ERBB3: variants seen among roughly 807,000 people sequenced by gnomAD.
The protein encoded by ERBB3 is receptor tyrosine-protein kinase erbB-3.
Under a neutral mutation model 156.7 loss-of-function variants are expected in ERBB3, and 96 were observed. The ratio of observed to expected loss-of-function variants is 0.61; its 90% CI spans 0.52 to 0.73. ERBB3 has a LOEUF of 0.73. ERBB3 is among the 30% of genes least tolerant of loss of function. The pLI is 0.00. For synonymous variants in ERBB3, 567 were observed against 632.0 expected (o/e 0.90, Z 1.54); for missense variants, 1,406 against 1,709.4 (o/e 0.82, Z 3.13).
At chr12:56,095,625 G>A in intron 16 of ERBB3, 40 bp from the exon 17 acceptor site, 1 of 1,612,354 alleles carries the variant, frequency 6.2e-7, no homozygotes, top group Non-Finnish European at 8.5e-7. Flanking sequence ...TAAGGAAGAT[G>A]CAAACCCAGG....
intron 21 of ERBB3, 145 bp downstream of exon 21, chr12:56,098,085 A>G: frequency 1.2e-6 from 1 of 808,988 alleles, no homozygotes; most frequent in Non-Finnish European, 1.9e-6. Context: ...TTTAGTTCAG[A>G]GGGCAACAAA....
rs745658752 is a variant in ERBB3, at chr12:56,088,528, C to A, written c.875-15C>A. 1 of 1,576,968 alleles carries A rather than the reference C, an allele frequency of 6.3e-7. No homozygotes were observed. The highest frequency in any genetic ancestry group is 1.1e-5 in the South Asian group (1 of 90,288). ...CCTCCCTCATCTCTAATGGTGTCCT[C>A]CTCCTCTTCCCTAGATAACTTTGTG... On this transcript the variant is annotated splice_polypyrimidine_tract_variant and intron_variant, in intron 7 of 27. Transcript: ENST00000267101.
At position 56,103,284 on chromosome 12, in the gene ERBB3, T is replaced by G; in HGVS notation, c.*1229T>G. 4.5e-6 allele frequency: 1 copy of G among 223,278 alleles called. No individual in the cohort carries two copies. Among genetic ancestry groups the G allele is most frequent in the Non-Finnish European group, 9.0e-6 (1 of 111,566 alleles). The allele number at this position is 223,278 out of a possible 1,614,324, so 13.8% of individuals were successfully genotyped here. On this transcript the variant is annotated 3_prime_UTR_variant, in exon 28 of 28. Coordinates refer to ENST00000267101, the MANE Select transcript of ERBB3 (RefSeq NM_001982.4). Reference sequence around the variant, plus strand: ...ATGTGCCGTAAATGATCTTCACTCCTTATCCGAGGGCAAATTCACAAGGAT... The same window carrying G: ...ATGTGCCGTAAATGATCTTCACTCCGTATCCGAGGGCAAATTCACAAGGAT...
chr12:56,086,791 C>A, intron 4 of ERBB3, 135 bp downstream of exon 4: 1 of 1,054,106 alleles, frequency 9.5e-7, no homozygotes, highest in Non-Finnish European at 1.5e-6. Context: ...ACTCAGCAGC[C>A]CACCAGGGCA....
chr12:56,088,373 T>C (rs1868555955), intron 7 of ERBB3, among the ~76,000 whole-genome samples, 170 bp from the exon 8 acceptor site: 1 of 152,168 alleles, frequency 6.6e-6, no homozygotes, highest in Non-Finnish European at 1.5e-5. Context: ...TAGCAACAAA[T>C]AGTGAAGAGA....
chr12:56,096,941 T>C, intron 19 of ERBB3, 95 bp downstream of exon 19: 2 of 1,282,200 alleles, frequency 1.6e-6, no homozygotes, highest in East Asian at 2.6e-5. Flanking sequence ...GCAGCTACTA[T>C]GTTAGCCAGA....
intron 9 of ERBB3, chr12:56,089,242 C>A: frequency 2.4e-6 from 1 of 423,398 alleles, no homozygotes; most frequent in South Asian, 1.7e-5. Context: ...CAAGTGATCC[C>A]AAGTAGCTGG....
intron 12 of ERBB3, 69 bp from the exon 13 acceptor site, chr12:56,093,695 A>C (rs1377542214): frequency 4.4e-6 from 7 of 1,603,676 alleles, no homozygotes; most frequent in Non-Finnish European, 5.1e-6. Context: ...AGTAACGAGG[A>C]AGAATAATGA....
Position 56,096,598 on chromosome 12 carries a change from G to C in ERBB3, c.2151G>C (p.Ser717=). The change falls in exon 18 of 28, where the codon TCG becomes TCC. Residue 717 remains serine, a synonymous_variant. Coordinates refer to ENST00000267101, the MANE Select transcript of ERBB3 (RefSeq NM_001982.4). ...TAAGGAAGCTTAAAGTGCTTGGCTC[G>C]GGTGTCTTTGGAACTGTGCACAAAG... is the stretch of plus-strand genomic sequence containing the variant. ...TELRKLKVLG[S]GVFGTVHKGV... is the part of the protein sequence containing the mutation. 1 of 1,614,160 alleles carries C rather than the reference G, an allele frequency of 6.2e-7. No homozygotes were observed. The highest frequency in any genetic ancestry group is 1.1e-5 in the South Asian group (1 of 91,076).
At position 56,085,097 on chromosome 12, in the gene ERBB3, G is replaced by C. The variant is rs375644422; in HGVS notation, c.337G>C (p.Gly113Arg). 1.3e-5 allele frequency: 21 copies of C among 1,613,968 alleles called. No individual in the cohort carries two copies. In the African/African-American group the frequency reaches 2.8e-4, roughly 22 times the overall value. ...GGTGCGAGGGACCCAGGTCTACGATGGGAAGTTTGCCATCTTCGTCATGTT... is the reference window on the plus strand; with the variant it reads ...GGTGCGAGGGACCCAGGTCTACGATCGGAAGTTTGCCATCTTCGTCATGTT... ...RVVRGTQVYD[G>R]KFAIFVMLNY... Residue 113 changes from glycine (G) to arginine (R), a missense_variant, in exon 3 of 28, where the codon GGG becomes CGG. Gly to Arg is a moderately radical substitution (Grantham distance 125, BLOSUM62 -2). Coordinates refer to ENST00000267101, the MANE Select transcript of ERBB3 (RefSeq NM_001982.4).
Position 56,099,762 on chromosome 12 carries a change from A to G in ERBB3, c.2937+17A>G, listed in dbSNP as rs1198216337. On this transcript the variant is annotated intron_variant, in intron 24 of 27. Coordinates refer to ENST00000267101, the MANE Select transcript of ERBB3 (RefSeq NM_001982.4). ...GTCATAAAGGTGAGTAGGGAGTAGG[A>G]GGTGCTAAGGAAATTTAGAAAAAGG... The G allele has an allele frequency of 6.2e-7, 1 of 1,612,720 alleles. No individual in the cohort carries two copies. The highest frequency in any genetic ancestry group is 2.2e-5 in the East Asian group (1 of 44,894).
At chr12:56,089,570 C>T (rs1288745692) in intron 9 of ERBB3, among the ~76,000 whole-genome samples, 2 of 151,978 alleles carry the variant, frequency 1.3e-5, no homozygotes, top group African/African-American at 4.8e-5. Context: ...TGGTGAAATG[C>T]CATCTCTACT....
chr12:56,094,614 A>G (rs1427412301), intron 15 of ERBB3, 58 bp downstream of exon 15: 2 of 1,577,674 alleles, frequency 1.3e-6, no homozygotes, highest in Non-Finnish European at 1.7e-6. Flanking sequence ...GCACAGAACT[A>G]GAGTGAGGGA....
At chr12:56,097,277 G>T in intron 20 of ERBB3, 47 bp downstream of exon 20, 1 of 1,578,738 alleles carries the variant, frequency 6.3e-7, no homozygotes, top group Non-Finnish European at 8.7e-7. Flanking sequence ...GCTTGTCTGG[G>T]GGCCAGCCAG....
At position 56,087,581 on chromosome 12, in the gene ERBB3, C is replaced by T. The variant is rs755808253; in HGVS notation, c.552C>T (p.Pro184=). Residue 184 remains proline (P), a synonymous_variant, in exon 5 of 28, where the codon CCC becomes CCT. Transcript: ENST00000267101. ...GTTGCCTTCCTTCCCAACCAGGTCC[C>T]CCCTGTCATGAGGTTTGCAAGGGGC... ...IVVKDNGRSC[P]PCHEVCKGRC... 1 of 1,614,118 alleles carries T rather than the reference C, an allele frequency of 6.2e-7. No homozygotes were observed. Among genetic ancestry groups the T allele is most frequent in the Non-Finnish European group, 8.5e-7 (1 of 1,179,962 alleles).
At chr12:56,098,458 T>C (rs753670569) in intron 21 of ERBB3, 42 bp from the exon 22 acceptor site, 25 of 1,441,288 alleles carry the variant, frequency 1.7e-5, no homozygotes, top group Middle Eastern at 1.8e-4. Context: ...CTAAGAAAAT[T>C]TGTGGAAATA....
chr12:56,094,687 C>T (rs1393868878), intron 15 of ERBB3, 131 bp downstream of exon 15: 7 of 1,096,772 alleles, frequency 6.4e-6, no homozygotes, highest in East Asian at 5.2e-5. Context: ...CGCAGTGGCT[C>T]ACACCTGTAA....
rs139140702 is a variant in ERBB3 at position 56,097,036 on chromosome 12, G to C, written c.2275-9G>C. Reference sequence around the variant, plus strand: ...TGGTTTCCTAGATAATACCTTTTGTGTCTCTTAGCATATGCTGGCCATTGG... The same window carrying C: ...TGGTTTCCTAGATAATACCTTTTGTCTCTCTTAGCATATGCTGGCCATTGG... On this transcript the variant is annotated splice_polypyrimidine_tract_variant and intron_variant, in intron 19 of 27. Coordinates refer to ENST00000267101, the MANE Select transcript of ERBB3 (RefSeq NM_001982.4). 319 of 1,613,872 alleles carry C rather than the reference G, an allele frequency of 2.0e-4. 3 individuals are homozygous for C. In the East Asian group the frequency reaches 7.0e-3, roughly 36 times the overall value.
intron 3 of ERBB3, 105 bp downstream of exon 3, chr12:56,085,286 G>T (rs767745935): frequency 6.3e-7 from 1 of 1,597,824 alleles, no homozygotes; most frequent in South Asian, 1.1e-5. Flanking sequence ...CTCTTCCAAG[G>T]TGCCTGTCAC....
Sources: gnomAD v4.1 joint callset for allele counts (sites outside exome capture counted in the v4.1 genomes callset) on GRCh38, gnomAD v4.1.1 for gene constraint, MANE v1.5 for transcripts, NCBI Gene and HGNC (gene_info 2026-07-23, HGNC 2026-07-21) for gene names.